The following SHOC2 variants were observed in gnomAD, a reference collection of about 807,000 sequenced individuals.
SHOC2 encodes the protein SHOC2 leucine rich repeat scaffold protein.
A neutral mutation model predicts 50.2 loss-of-function variants in SHOC2; 4 were observed. That is an observed-to-expected ratio of 0.08 (90% CI 0.04 to 0.18). The LOEUF is 0.18. Ranked by LOEUF, SHOC2 falls within the 10% of genes least tolerant of loss-of-function variation. SHOC2 has a pLI of 1.00. For missense variants in SHOC2, 388 were observed against 669.6 expected, an observed-to-expected ratio of 0.58 and a Z score of 4.64; for synonymous variants, 218 against 244.5, an observed-to-expected ratio of 0.89 and a Z score of 1.01.
rs146092281 is a variant in SHOC2, at chr10:110,965,773, C to T, written c.703+712C>T. 1.4e-4 allele frequency among the ~76,000 whole-genome samples: 22 copies of T among 152,066 alleles called. No homozygotes were observed. In the East Asian group the frequency reaches 2.1e-3, roughly 15 times the overall value. ...AGGAGAAAAAAATAGGGAATATAAA[C>T]GCGTGAACATGTCAGTAAAAAATTA... On this transcript the variant is annotated intron_variant, in intron 2 of 8. Transcript: ENST00000369452.
chr10:110,931,273 G>A (rs535669439), intron 1 of SHOC2, among the ~76,000 whole-genome samples: 1 of 152,154 alleles, frequency 6.6e-6, no homozygotes, highest in African/African-American at 2.4e-5. Flanking sequence ...TATTTTTGTG[G>A]ACAGCCGTTA....
chr10:110,990,114 GA>G (rs1336421076), intron 3 of SHOC2, among the ~76,000 whole-genome samples: 1 of 152,242 alleles, frequency 6.6e-6, no homozygotes, highest in African/African-American at 2.4e-5. Flanking sequence ...CTTAGTCTTA[GA>G]AAAACAAAAT....
intron 2 of SHOC2, among the ~76,000 whole-genome samples, chr10:110,965,837 C>A (rs903186436): frequency 6.6e-6 from 1 of 152,056 alleles, no homozygotes; most frequent in Non-Finnish European, 1.5e-5. Context: ...GAAAAACATT[C>A]TGAAACATTT....
intron 7 of SHOC2, 104 bp downstream of exon 7, chr10:111,009,489 TTC>T (rs1848529320): frequency 1.9e-6 from 2 of 1,073,976 alleles, no homozygotes; most frequent in Non-Finnish European, 2.8e-6. Flanking sequence ...CAGATAGACT[TTC>T]CTATTCTAGT....
At position 111,013,102 on chromosome 10, in the gene SHOC2, C is replaced by G. The variant is rs1848597316; in HGVS notation, c.*1284C>G. 6.6e-6 allele frequency: 1 copy of G among 152,444 alleles called. No individual in the cohort carries two copies. Among genetic ancestry groups the G allele is most frequent in the South Asian group, 2.1e-4 (1 of 4,832 alleles). 9.4% of individuals were successfully genotyped at this position (152,444 alleles called of 1,614,324 possible). A position where few individuals can be genotyped will look rare whatever the true frequency, so the allele number is the denominator to read the frequency against. On this transcript the variant is annotated 3_prime_UTR_variant, in exon 9 of 9. Coordinates refer to ENST00000369452, the MANE Select transcript of SHOC2 (RefSeq NM_007373.4). ...ATTGCATAGAAGCCATTGGGGAGTT[C>G]AGTGGAAGTTCTGTAAGATGTGCAT...
intron 1 of SHOC2, among the ~76,000 whole-genome samples, chr10:110,962,374 G>A (rs1246822435): frequency 1.3e-5 from 2 of 152,018 alleles, no homozygotes; most frequent in East Asian, 3.8e-4. Flanking sequence ...TTTAGTAAAT[G>A]TACTTTCATA....
At chr10:110,972,794 G>A (rs1055061215) in intron 2 of SHOC2, among the ~76,000 whole-genome samples, 1 of 152,082 alleles carries the variant, frequency 6.6e-6, no homozygotes, top group Non-Finnish European at 1.5e-5. Flanking sequence ...CTGTGATCTC[G>A]CCACTGTAGT....
At chr10:110,926,887 A>G (rs1846787401) in intron 1 of SHOC2, among the ~76,000 whole-genome samples, 1 of 152,204 alleles carries the variant, frequency 6.6e-6, no homozygotes, top group African/African-American at 2.4e-5. Flanking sequence ...GTTGAAACAA[A>G]TAATTATCTG....
intron 2 of SHOC2, among the ~76,000 whole-genome samples, chr10:110,974,983 C>T (rs1412893285): frequency 6.6e-6 from 1 of 152,070 alleles, no homozygotes; most frequent in African/African-American, 2.4e-5. Flanking sequence ...TGGAAGATTT[C>T]CATATACCCT....
In SHOC2 at chr10:110,999,672, G is replaced by T. The variant is rs376726448; in HGVS notation, c.842-743G>T. 3.5e-3 allele frequency among the ~76,000 whole-genome samples: 461 copies of T among 131,236 alleles called. 25 individuals carry two copies. In the South Asian group the frequency reaches 0.1, roughly 29 times the overall value. 86.1% of individuals were successfully genotyped at this position (131,236 alleles called of 152,430 possible). A position where few individuals can be genotyped will look rare whatever the true frequency, so the allele number is the denominator to read the frequency against. On this transcript the variant is annotated intron_variant, in intron 3 of 8. Transcript: ENST00000369452. ...GAATTGCTTGAACCTGGGAGGTGGA[G>T]GTTGCAGTGAGTCAAGATTATGCCA...
chr10:110,924,338 T>A (rs1481548041), intron 1 of SHOC2, among the ~76,000 whole-genome samples: 1 of 152,214 alleles, frequency 6.6e-6, no homozygotes, highest in Non-Finnish European at 1.5e-5. Context: ...CAAACTCAGA[T>A]GAGTTAAGAC....
At chr10:110,920,452 A>T (rs947163412) in intron 1 of SHOC2, among the ~76,000 whole-genome samples, 4 of 152,000 alleles carry the variant, frequency 2.6e-5, no homozygotes, top group African/African-American at 9.7e-5. Context: ...TTTTTGTACC[A>T]TCCCCCTCCC....
chr10:110,955,272 G>A (rs1178246547), intron 1 of SHOC2, among the ~76,000 whole-genome samples: 1 of 152,140 alleles, frequency 6.6e-6, no homozygotes, highest in South Asian at 2.1e-4. Flanking sequence ...GAGAGTAGAC[G>A]ATTTGTGATT....
At chr10:110,939,184 T>A (rs1847089282) in intron 1 of SHOC2, among the ~76,000 whole-genome samples, 1 of 152,082 alleles carries the variant, frequency 6.6e-6, no homozygotes, top group African/African-American at 2.4e-5. Context: ...TCCAGATTTT[T>A]TTGCTATTTT....
chr10:110,965,253 T>C (rs1426401028), intron 2 of SHOC2, among the ~76,000 whole-genome samples, 192 bp downstream of exon 2: 2 of 152,166 alleles, frequency 1.3e-5, no homozygotes, highest in East Asian at 3.8e-4. Flanking sequence ...TTCATAGACT[T>C]AAAAAGTGAG....
intron 1 of SHOC2, among the ~76,000 whole-genome samples, chr10:110,942,680 A>G (rs17128168): frequency 0.061 from 9,352 of 152,200 alleles, 335 homozygotes; most frequent in East Asian, 0.1. Context: ...GGACTCTTTC[A>G]TGTATATTTG....
At chr10:111,004,515 C>A (rs112013227) in intron 4 of SHOC2, 91 bp from the exon 5 acceptor site, 20 of 896,038 alleles carry the variant, frequency 2.2e-5, no homozygotes, top group Middle Eastern at 2.6e-4. Context: ...CCCCCAAAGC[C>A]CTTTGAGGCA....
Position 111,012,251 on chromosome 10 carries a change from TC to T in SHOC2, c.*434del, listed in dbSNP as rs1383364226. On this transcript the variant is annotated 3_prime_UTR_variant, in exon 9 of 9. Transcript: ENST00000369452. ...TTGTAGGCCCTGAAAGTAGAATTTT[TC>T]TTTAACTTATTTTGAGATTTGAGAT... is the stretch of plus-strand genomic sequence containing the variant. The T allele has an allele frequency of 6.1e-6, 1 of 164,672 alleles. No individual in the cohort carries two copies. The highest frequency in any genetic ancestry group is 1.3e-5 in the Non-Finnish European group (1 of 75,490). The allele number at this position is 164,672 out of a possible 1,614,324, so 10.2% of individuals were successfully genotyped here. A position where few individuals can be genotyped will look rare whatever the true frequency, so the allele number is the denominator to read the frequency against.
chr10:110,950,304 A>T (rs1031646773), intron 1 of SHOC2, among the ~76,000 whole-genome samples: 2 of 152,128 alleles, frequency 1.3e-5, no homozygotes, highest in Non-Finnish European at 2.9e-5. Flanking sequence ...AAAAATAAAA[A>T]GGAATAAATT....
Sources: gnomAD v4.1 joint callset for allele counts (sites outside exome capture counted in the v4.1 genomes callset) on GRCh38, gnomAD v4.1.1 for gene constraint, MANE v1.5 for transcripts, NCBI Gene and HGNC (gene_info 2026-07-23, HGNC 2026-07-21) for gene names.